Variants in RRP12 observed in about 807,000 individuals in gnomAD.
The protein encoded by RRP12 is RRP12-like protein.
In RRP12, 78 loss-of-function variants were observed where a neutral mutation model predicts 157.3. That is an observed-to-expected ratio of 0.50 (90% CI 0.41 to 0.60). The LOEUF is 0.60. Among genes scored for constraint, RRP12 ranks in the 20% least tolerant of loss-of-function variants. RRP12 has a pLI of 0.00. For synonymous variants in RRP12, 726 were observed against 670.9 expected (o/e 1.08, Z -1.27); for missense variants, 1,521 against 1,679.9 (o/e 0.91, Z 1.65).
At chr10:97,358,406 G>A (rs938054546) in intron 33 of RRP12, 131 bp downstream of exon 33, 5 of 706,976 alleles carry the variant, frequency 7.1e-6, no homozygotes, top group Non-Finnish European at 1.3e-5. Flanking sequence ...ATAGGTGCAT[G>A]TTAAAAAAAA....
intron 25 of RRP12, 81 bp downstream of exon 25, chr10:97,369,344 G>A (rs909688995): frequency 1.1e-5 from 15 of 1,408,560 alleles, no homozygotes; most frequent in Non-Finnish European, 1.5e-5. Context: ...TTTGAAACTT[G>A]CTGGCCTCGA....
intron 15 of RRP12, among the ~76,000 whole-genome samples, chr10:97,375,768 C>T (rs1481883046): frequency 2.0e-5 from 3 of 152,048 alleles, no homozygotes; most frequent in African/African-American, 4.8e-5. Context: ...AATATGTGCA[C>T]ATTAATTCCA....
intron 31 of RRP12, 80 bp from the exon 32 acceptor site, chr10:97,359,090 G>GAGGTGC: frequency 9.2e-7 from 1 of 1,089,978 alleles, no homozygotes; most frequent in Non-Finnish European, 1.4e-6. Flanking sequence ...CCCTCTCTGA[G>GAGGTGC]AGAGCTGCAA....
At chr10:97,384,553 C>A (rs1017783673) in intron 10 of RRP12, among the ~76,000 whole-genome samples, 1 of 149,904 alleles carries the variant, frequency 6.7e-6, no homozygotes, top group South Asian at 2.1e-4. Context: ...GCCTTAAGTA[C>A]CCCCAACCTC....
intron 13 of RRP12, among the ~76,000 whole-genome samples, chr10:97,380,460 C>T (rs1279366627): frequency 6.6e-6 from 1 of 152,166 alleles, no homozygotes; most frequent in African/African-American, 2.4e-5. Flanking sequence ...CTGTTTAGAA[C>T]TTCAATGCTA....
intron 15 of RRP12, among the ~76,000 whole-genome samples, chr10:97,378,775 TGAA>T (rs1844379723): frequency 6.6e-6 from 1 of 152,110 alleles, no homozygotes; most frequent in African/African-American, 2.4e-5. Context: ...GAGAATCACT[TGAA>T]CCCGGAAGGC....
At chr10:97,393,466 A>G (rs987946236) in intron 4 of RRP12, 23 of 686,118 alleles carry the variant, frequency 3.4e-5, no homozygotes, top group Non-Finnish European at 5.6e-5. Flanking sequence ...AAATGATTCT[A>G]TTACCAGGGG....
intron 6 of RRP12, among the ~76,000 whole-genome samples, chr10:97,388,936 G>A (rs934860173): frequency 3.9e-5 from 6 of 152,092 alleles, no homozygotes; most frequent in African/African-American, 7.2e-5. Flanking sequence ...TTAATCATCC[G>A]GCAAACACTG....
At position 97,401,249 on chromosome 10, in the gene RRP12, G is replaced by A. The variant is rs777205027; in HGVS notation, c.-18C>T. Reference sequence around the variant, plus strand: ...CGACCCATGTTGACTAAGCCGTGGCGAGGAATGAGCTTAAATGACCGGCTT... The same window carrying A: ...CGACCCATGTTGACTAAGCCGTGGCAAGGAATGAGCTTAAATGACCGGCTT... On this transcript the variant is annotated 5_prime_UTR_variant, in exon 1 of 34. Coordinates refer to ENST00000370992, the MANE Select transcript of RRP12 (RefSeq NM_015179.4). 1.9e-6 allele frequency: 3 copies of A among 1,614,034 alleles called. No homozygotes were observed. The highest frequency in any genetic ancestry group is 2.5e-6 in the Non-Finnish European group (3 of 1,179,930).
chr10:97,393,823 A>C, intron 3 of RRP12, 63 bp from the exon 4 acceptor site: 1 of 1,368,954 alleles, frequency 7.3e-7, no homozygotes, highest in Non-Finnish European at 1.0e-6. Flanking sequence ...CAGGAAAGAG[A>C]GTGGGGGAAC....
chr10:97,381,516 A>C, intron 11 of RRP12, 33 bp from the exon 12 acceptor site: 1 of 1,549,350 alleles, frequency 6.5e-7, no homozygotes, highest in Non-Finnish European at 8.8e-7. Context: ...TTCTGGGCCC[A>C]AGGCAGCCCC....
chr10:97,364,330 T>G (rs1012522296), intron 29 of RRP12, among the ~76,000 whole-genome samples: 2 of 152,136 alleles, frequency 1.3e-5, no homozygotes, highest in Non-Finnish European at 2.9e-5. Context: ...ATGCAGTATG[T>G]GCTGGGCTCC....
rs769899767 is a variant in RRP12 at position 97,381,453 on chromosome 10, T to A, written c.1351A>T (p.Met451Leu). 6.2e-7 allele frequency: 1 copy of A among 1,612,900 alleles called. No individual in the cohort carries two copies. Among genetic ancestry groups the A allele is most frequent in the Non-Finnish European group, 8.5e-7 (1 of 1,179,664 alleles). Reference sequence around the variant, plus strand: ...GAGGTCACGGAGCCAATGTCAGCCATGTGGGGAGCCACGCATTCCTTCAGG... The same window carrying A: ...GAGGTCACGGAGCCAATGTCAGCCAAGTGGGGAGCCACGCATTCCTTCAGG... ...EILKECVAPHMADIGSVTSSA... is the reference protein window; with the variant it reads ...EILKECVAPHLADIGSVTSSA... Residue 451 changes from methionine to leucine, a missense_variant, in exon 12 of 34, where the codon ATG becomes TTG. Physicochemically the swap from Met to Leu is conservative, Grantham distance 15 (BLOSUM62 2). Coordinates refer to ENST00000370992, the MANE Select transcript of RRP12 (RefSeq NM_015179.4).
At chr10:97,359,168 C>T (rs1352913038) in intron 31 of RRP12, among the ~76,000 whole-genome samples, 158 bp from the exon 32 acceptor site, 4 of 152,222 alleles carry the variant, frequency 2.6e-5, no homozygotes, top group Non-Finnish European at 4.4e-5. Flanking sequence ...AGACCTTCCT[C>T]GAGGAGGGAC....
chr10:97,390,711 G>C (rs758470353), intron 5 of RRP12, 28 bp downstream of exon 5: 2 of 1,538,052 alleles, frequency 1.3e-6, no homozygotes, highest in Non-Finnish European at 1.8e-6. Flanking sequence ...GGAGTCGCCA[G>C]ATGAGAAACT....
At position 97,386,515 on chromosome 10, in the gene RRP12, A is replaced by C. The variant is rs72833942; in HGVS notation, c.1018-522T>G. On this transcript the variant is annotated intron_variant, in intron 8 of 33. Transcript: ENST00000370992. ...TTTTATCATGTATATTTGTTTATCCAAAGAGAAAATGTCTGAAAGGATACC... is the reference window on the plus strand; with the variant it reads ...TTTTATCATGTATATTTGTTTATCCCAAGAGAAAATGTCTGAAAGGATACC... Among the ~76,000 whole-genome samples, 360 of 152,234 alleles carry C rather than the reference A, an allele frequency of 2.4e-3. 2 individuals are homozygous for C. The highest frequency in any genetic ancestry group is 9.3e-3 in the South Asian group (45 of 4,818).
intron 3 of RRP12, among the ~76,000 whole-genome samples, chr10:97,394,148 C>T (rs947413248): frequency 1.2e-4 from 18 of 152,066 alleles, no homozygotes; most frequent in African/African-American, 4.3e-4. Context: ...CGAGACCATC[C>T]TGGCTAACAC....
chr10:97,395,223 C>CACAG, intron 3 of RRP12, among the ~76,000 whole-genome samples: 1 of 151,868 alleles, frequency 6.6e-6, no homozygotes, highest in Non-Finnish European at 1.5e-5. Context: ...CACACACACA[C>CACAG]ATACATACAT....
Position 97,392,689 on chromosome 10 carries a change from C to A in RRP12, c.530+995G>T, listed in dbSNP as rs367771508. On this transcript the variant is annotated intron_variant, in intron 4 of 33. Coordinates refer to ENST00000370992, the MANE Select transcript of RRP12 (RefSeq NM_015179.4). ...TATTACTCAAAACAAATTTCATTTT[C>A]TTTCTATTTTTTTTTTTTTGAGACG... 3.1e-3 allele frequency among the ~76,000 whole-genome samples: 428 copies of A among 140,200 alleles called. 1 individual carries two copies. Among genetic ancestry groups the A allele is most frequent in the African/African-American group, 0.011 (414 of 36,234 alleles). The allele number at this position is 140,200 out of a possible 152,430, so 92.0% of individuals were successfully genotyped here. A position where few individuals can be genotyped will look rare whatever the true frequency, so the allele number is the denominator to read the frequency against.
Sources: gnomAD v4.1 joint callset for allele counts (sites outside exome capture counted in the v4.1 genomes callset) on GRCh38, gnomAD v4.1.1 for gene constraint, MANE v1.5 for transcripts, NCBI Gene and HGNC (gene_info 2026-07-23, HGNC 2026-07-21) for gene names.